PLEKHA5: variants seen among roughly 807,000 people sequenced by gnomAD.
PLEKHA5 encodes pleckstrin homology domain containing A5, also known as pleckstrin homology domain-containing family A member 5.
In PLEKHA5, 55 loss-of-function variants were observed where a neutral mutation model predicts 181.9. That is an observed-to-expected ratio of 0.30 (90% CI 0.24 to 0.38). The LOEUF (loss-of-function observed/expected upper bound fraction) is 0.38. Among genes scored for constraint, PLEKHA5 ranks in the 10% least tolerant of loss-of-function variants. The pLI, the probability that PLEKHA5 is intolerant of heterozygous loss-of-function variation, is 1.00. For synonymous variants in PLEKHA5, 535 were observed against 529.4 expected, an observed-to-expected ratio of 1.01 and a Z score of -0.15; for missense variants, 1,432 against 1,549.5, an observed-to-expected ratio of 0.92 and a Z score of 1.27.
intron 4 of PLEKHA5, 138 bp downstream of exon 4, chr12:19,254,161 C>T (rs1172835735): frequency 1.5e-6 from 1 of 660,470 alleles, no homozygotes; most frequent in East Asian, 2.7e-5. Context: ...CAGCTGTTCA[C>T]AATGTGTCAT....
At chr12:19,226,855 G>A (rs1233861364) in intron 3 of PLEKHA5, among the ~76,000 whole-genome samples, 1 of 152,038 alleles carries the variant, frequency 6.6e-6, no homozygotes, top group Non-Finnish European at 1.5e-5. Context: ...TATCTAATAT[G>A]TAGGTAACAT....
At chr12:19,338,143 A>T (rs1331141808) in intron 21 of PLEKHA5, among the ~76,000 whole-genome samples, 2 of 152,146 alleles carry the variant, frequency 1.3e-5, no homozygotes, top group African/African-American at 4.8e-5. Flanking sequence ...ATGAAATGTG[A>T]CTATTGTGAC....
intron 3 of PLEKHA5, among the ~76,000 whole-genome samples, chr12:19,243,661 C>A (rs956854303): frequency 3.9e-5 from 6 of 152,100 alleles, no homozygotes; most frequent in African/African-American, 1.4e-4. Context: ...GTAAATGAAA[C>A]ATTGAGGTTT....
chr12:19,212,385 T>C (rs2057093230), intron 3 of PLEKHA5, among the ~76,000 whole-genome samples: 2 of 152,132 alleles, frequency 1.3e-5, no homozygotes, highest in Admixed American at 1.3e-4. Context: ...TGTAAGCAGG[T>C]TTTGAAAAAT....
chr12:19,359,610 G>A (rs984813043), intron 28 of PLEKHA5, 64 bp downstream of exon 28: 6 of 1,454,728 alleles, frequency 4.1e-6, no homozygotes, highest in Non-Finnish European at 5.8e-6. Context: ...AAATCAAGTG[G>A]TAAGGTTGAA....
chr12:19,222,122 T>C (rs2059031733), intron 3 of PLEKHA5, among the ~76,000 whole-genome samples: 1 of 152,094 alleles, frequency 6.6e-6, no homozygotes, highest in South Asian at 2.1e-4. Context: ...TGTGTGTGTA[T>C]GTATATATAT....
At chr12:19,256,418 G>T (rs534978318) in intron 5 of PLEKHA5, among the ~76,000 whole-genome samples, 2 of 152,140 alleles carry the variant, frequency 1.3e-5, no homozygotes, top group Non-Finnish European at 2.9e-5. Context: ...TAGATAGATA[G>T]GCACACACAT....
At chr12:19,270,143 A>G in intron 9 of PLEKHA5, 45 bp from the exon 10 acceptor site, 1 of 1,279,564 alleles carries the variant, frequency 7.8e-7, no homozygotes, top group Non-Finnish European at 1.0e-6. Context: ...ACTGGGGTGA[A>G]TCCAGAATCC....
chr12:19,293,590 A>G (rs1353120102), intron 15 of PLEKHA5, among the ~76,000 whole-genome samples: 1 of 152,192 alleles, frequency 6.6e-6, no homozygotes, highest in Non-Finnish European at 1.5e-5. Context: ...AATAGTCCTA[A>G]AAAATAGGTT....
intron 3 of PLEKHA5, among the ~76,000 whole-genome samples, chr12:19,229,829 C>T (rs1268280478): frequency 6.6e-6 from 1 of 152,160 alleles, no homozygotes; most frequent in Non-Finnish European, 1.5e-5. Flanking sequence ...TCCGTTTTGA[C>T]AGGGTGCTGA....
rs141869404 is a variant in PLEKHA5, at chr12:19,136,828, G to C, written c.227+4378G>C. 4.6e-5 allele frequency among the ~76,000 whole-genome samples: 7 copies of C among 152,154 alleles called. No individual in the cohort carries two copies. In the East Asian group the frequency reaches 1.2e-3, roughly 25 times the overall value. On this transcript the variant is annotated intron_variant, in intron 3 of 31. Coordinates refer to ENST00000429027, the MANE Select transcript of PLEKHA5 (RefSeq NM_001256470.2). Reference sequence around the variant, plus strand: ...GAACTTTTTCTTACATAGGCAAATAGAGTATGAGGTTTTGTTTCAATATCT... The same window carrying C: ...GAACTTTTTCTTACATAGGCAAATACAGTATGAGGTTTTGTTTCAATATCT...
intron 20 of PLEKHA5, among the ~76,000 whole-genome samples, chr12:19,325,777 G>A (rs2091956769): frequency 6.6e-6 from 1 of 151,982 alleles, no homozygotes; most frequent in Admixed American, 6.6e-5. Flanking sequence ...GGGAGGCCAA[G>A]GCAGGCAGAT....
intron 3 of PLEKHA5, among the ~76,000 whole-genome samples, chr12:19,215,289 A>T (rs1245212816): frequency 6.6e-6 from 1 of 152,230 alleles, no homozygotes; most frequent in Non-Finnish European, 1.5e-5. Context: ...CAGCTAGCCA[A>T]AAGTTTTTTT....
intron 3 of PLEKHA5, among the ~76,000 whole-genome samples, chr12:19,181,268 A>G (rs2048500882): frequency 6.6e-6 from 1 of 152,206 alleles, no homozygotes; most frequent in South Asian, 2.1e-4. Context: ...TAAGATTATT[A>G]AAGGAAAATA....
chr12:19,207,945 A>G (rs976855142), intron 3 of PLEKHA5, among the ~76,000 whole-genome samples: 2 of 152,212 alleles, frequency 1.3e-5, no homozygotes, highest in South Asian at 2.1e-4. Context: ...TTTGAAAGCC[A>G]CTAGGAGTGT....
At chr12:19,283,943 T>C (rs16915321) in intron 12 of PLEKHA5, among the ~76,000 whole-genome samples, 198 bp downstream of exon 12, 8,271 of 152,248 alleles carry the variant, frequency 0.054, 375 homozygotes, top group East Asian at 0.19. Context: ...TTGCAACACT[T>C]CATCTCTCAG....
rs1483892766 is a variant in PLEKHA5, at chr12:19,167,626, A to G, written c.227+35176A>G. ...GCCCAAAGATGATTATTTGGCCTCT[A>G]CTGTGCACTAGGTGATGTGTTCTTT... On this transcript the variant is annotated intron_variant, in intron 3 of 31. Coordinates refer to ENST00000429027, the MANE Select transcript of PLEKHA5 (RefSeq NM_001256470.2). Among the ~76,000 whole-genome samples the G allele has an allele frequency of 4.0e-5, 6 of 151,756 alleles. No homozygotes were observed. The South Asian group carries it at 6.2e-4, about 16-fold the overall frequency.
At chr12:19,217,548 C>T (rs1027699585) in intron 3 of PLEKHA5, among the ~76,000 whole-genome samples, 7 of 152,258 alleles carry the variant, frequency 4.6e-5, no homozygotes, top group African/African-American at 1.7e-4. Flanking sequence ...AAATGTTCAA[C>T]AGGTATGAAT....
intron 15 of PLEKHA5, among the ~76,000 whole-genome samples, chr12:19,310,342 G>C (rs949311456): frequency 1.3e-5 from 2 of 152,090 alleles, no homozygotes; most frequent in African/African-American, 4.8e-5. Context: ...TGAAGGCCAG[G>C]CTCATGCCTG....
Sources: gnomAD v4.1 joint callset for allele counts (sites outside exome capture counted in the v4.1 genomes callset) on GRCh38, gnomAD v4.1.1 for gene constraint, MANE v1.5 for transcripts, NCBI Gene and HGNC (gene_info 2026-07-23, HGNC 2026-07-21) for gene names.